Variants in GRID2 observed in about 807,000 individuals in gnomAD.
GRID2 encodes the protein glutamate ionotropic receptor delta type subunit 2, also known as glutamate receptor ionotropic, delta-2.
GRID2 carries 33 observed loss-of-function variants against 114.8 expected under a neutral mutation model. The observed-to-expected ratio is 0.29, with a 90% CI of 0.22 to 0.38. The LOEUF is 0.38. GRID2 is among the 10% of genes least tolerant of loss of function. GRID2 has a pLI of 1.00. For missense variants in GRID2, 1,184 were observed against 1,257.7 expected, an observed-to-expected ratio of 0.94 and a Z score of 0.89; for synonymous variants, 505 against 449.9, an observed-to-expected ratio of 1.12 and a Z score of -1.55.
Position 92,734,703 on chromosome 4 carries a change from C to A in GRID2, c.244+144417C>A, listed in dbSNP as rs1349381878. On this transcript the variant is annotated intron_variant, in intron 2 of 15. Transcript: ENST00000282020. ...TTAGAACATTTTTTCTCTTCATCTTCATCTTTTACAATATATGTATTTTAA... is the reference window on the plus strand; with the variant it reads ...TTAGAACATTTTTTCTCTTCATCTTAATCTTTTACAATATATGTATTTTAA... 3.3e-5 allele frequency among the ~76,000 whole-genome samples: 5 copies of A among 151,676 alleles called. No individual in the cohort carries two copies. The East Asian group carries it at 9.7e-4, about 29-fold the overall frequency.
At chr4:93,738,467 C>A in intron 14 of GRID2, among the ~76,000 whole-genome samples, 1 of 151,994 alleles carries the variant, frequency 6.6e-6, no homozygotes, top group East Asian at 1.9e-4. Context: ...TGGCTTGACC[C>A]AGAGCAATGG....
At chr4:93,106,396 G>C (rs911090100) in intron 3 of GRID2, among the ~76,000 whole-genome samples, 2 of 152,060 alleles carry the variant, frequency 1.3e-5, no homozygotes, top group African/African-American at 4.8e-5. Context: ...GCCCAGGCTG[G>C]AATGCAGTGG....
rs182250081 is a variant in GRID2, at chr4:93,248,120, C to T, written c.1245+9630C>T. 1.2e-3 allele frequency among the ~76,000 whole-genome samples: 179 copies of T among 151,672 alleles called. 3 individuals are homozygous for T. Among genetic ancestry groups the T allele is most frequent in the African/African-American group, 4.3e-3 (177 of 41,078 alleles). ...ACACACACACCAGTGAAGCTCCAGT[C>T]CAGCTCAAATTCAACAATATGATGT... On this transcript the variant is annotated intron_variant, in intron 8 of 15. Transcript: ENST00000282020.
At chr4:92,972,803 T>C (rs1578643751) in intron 2 of GRID2, among the ~76,000 whole-genome samples, 1 of 152,054 alleles carries the variant, frequency 6.6e-6, no homozygotes, top group Admixed American at 6.6e-5. Flanking sequence ...TTTTCCTCTA[T>C]GTGTTTATGT....
At chr4:92,760,098 G>C (rs1212726451) in intron 2 of GRID2, among the ~76,000 whole-genome samples, 6 of 151,480 alleles carry the variant, frequency 4.0e-5, no homozygotes. Context: ...AAATTAGCCA[G>C]GTGTGGTGGC....
At chr4:93,242,071 G>T (rs1747589112) in intron 8 of GRID2, among the ~76,000 whole-genome samples, 1 of 151,922 alleles carries the variant, frequency 6.6e-6, no homozygotes, top group African/African-American at 2.4e-5. Flanking sequence ...ATAAGGGGTA[G>T]GGGTAAGAAA....
chr4:93,390,666 TA>T (rs2149322628), intron 8 of GRID2, among the ~76,000 whole-genome samples: 1 of 152,240 alleles, frequency 6.6e-6, no homozygotes, highest in South Asian at 2.1e-4. Context: ...CCAGAAGAAT[TA>T]TAAAAGAAAG....
At position 92,945,860 on chromosome 4, in the gene GRID2, G is replaced by C. The variant is rs554800921; in HGVS notation, c.245-139135G>C. Among the ~76,000 whole-genome samples, 3 of 152,114 alleles carry C rather than the reference G, an allele frequency of 2.0e-5. 1 individual carries two copies. In the South Asian group the frequency reaches 6.2e-4, roughly 32 times the overall value. On this transcript the variant is annotated intron_variant, in intron 2 of 15. Coordinates refer to ENST00000282020, the MANE Select transcript of GRID2 (RefSeq NM_001510.4). ...TCAGGTCTGCCTCCCAACCCTCTAAGTGTATTTTAGGAAAGATCTATGCCC... is the reference window on the plus strand; with the variant it reads ...TCAGGTCTGCCTCCCAACCCTCTAACTGTATTTTAGGAAAGATCTATGCCC...
intron 1 of GRID2, among the ~76,000 whole-genome samples, chr4:92,499,988 AG>A (rs1292161334): frequency 5.3e-5 from 8 of 152,226 alleles, no homozygotes; most frequent in Admixed American, 2.6e-4. Flanking sequence ...TCAGGATTAT[AG>A]GATTTCAGTC....
chr4:92,414,986 G>A (rs1034028522), intron 1 of GRID2, among the ~76,000 whole-genome samples: 36 of 152,016 alleles, frequency 2.4e-4, no homozygotes, highest in African/African-American at 6.0e-4. Flanking sequence ...AAGATGTTAC[G>A]GTAGTCAGAG....
chr4:93,100,260 C>G (rs10856899), intron 3 of GRID2, among the ~76,000 whole-genome samples: 2 of 151,502 alleles, frequency 1.3e-5, no homozygotes, highest in African/African-American at 4.8e-5. Context: ...AGATCACAAG[C>G]TATTATCAAA....
chr4:93,391,594 CT>C (rs1764857524), intron 8 of GRID2, among the ~76,000 whole-genome samples: 2 of 152,248 alleles, frequency 1.3e-5, no homozygotes, highest in African/African-American at 4.8e-5. Context: ...CCCCTGACTC[CT>C]GTTATTAAAG....
At chr4:92,871,554 T>C (rs1034407196) in intron 2 of GRID2, among the ~76,000 whole-genome samples, 17 of 152,192 alleles carry the variant, frequency 1.1e-4, no homozygotes, top group African/African-American at 4.1e-4. Context: ...ACATTCAGGG[T>C]TCTCTTTGGC....
chr4:92,876,839 T>G (rs1745672630), intron 2 of GRID2, among the ~76,000 whole-genome samples: 1 of 152,212 alleles, frequency 6.6e-6, no homozygotes, highest in Non-Finnish European at 1.5e-5. Context: ...GTTGGTGGAC[T>G]GTAAGCCATG....
chr4:93,543,703 T>TGAGAGAGAGAGAGAGA (rs1169133756), intron 13 of GRID2, among the ~76,000 whole-genome samples: 1 of 80,750 alleles, frequency 1.2e-5, no homozygotes, highest in African/African-American at 5.9e-5. Flanking sequence ...TGAGAGTGAG[T>TGAGAGAGAGAGAGAGA]GAGAGATAGA....
At chr4:92,778,466 C>G (rs1738911865) in intron 2 of GRID2, among the ~76,000 whole-genome samples, 1 of 152,208 alleles carries the variant, frequency 6.6e-6, no homozygotes, top group South Asian at 2.1e-4. Context: ...CTAGTACCCT[C>G]TCGTGTACAT....
chr4:93,107,587 G>C (rs768587880), intron 3 of GRID2, among the ~76,000 whole-genome samples: 1 of 151,706 alleles, frequency 6.6e-6, no homozygotes, highest in Non-Finnish European at 1.5e-5. Flanking sequence ...CACCCATGTT[G>C]GAGTGCAGTG....
chr4:92,588,688 A>G (rs928505473), intron 1 of GRID2, among the ~76,000 whole-genome samples: 5 of 151,466 alleles, frequency 3.3e-5, no homozygotes, highest in Non-Finnish European at 7.4e-5. Flanking sequence ...CAAAAAAAAA[A>G]AAAAAAAAAA....
At chr4:93,202,733 A>G (rs1472262457) in intron 4 of GRID2, among the ~76,000 whole-genome samples, 1 of 152,106 alleles carries the variant, frequency 6.6e-6, no homozygotes, top group Non-Finnish European at 1.5e-5. Flanking sequence ...GTCTTCTGTT[A>G]TCTACACAAA....
Sources: gnomAD v4.1 joint callset for allele counts (sites outside exome capture counted in the v4.1 genomes callset) on GRCh38, gnomAD v4.1.1 for gene constraint, MANE v1.5 for transcripts, NCBI Gene and HGNC (gene_info 2026-07-23, HGNC 2026-07-21) for gene names.